Variants in BUB1 observed in about 807,000 individuals in gnomAD.
The protein encoded by BUB1 is mitotic checkpoint serine/threonine-protein kinase BUB1.
In BUB1, 84 loss-of-function variants were observed where a neutral mutation model predicts 135.2. The ratio of observed to expected loss-of-function variants is 0.62; its 90% CI spans 0.52 to 0.74. BUB1 has a LOEUF of 0.74. Among genes scored for constraint, BUB1 ranks in the 30% least tolerant of loss-of-function variants. BUB1 has a pLI of 0.00. For missense variants in BUB1, 1,162 were observed against 1,288.3 expected, an observed-to-expected ratio of 0.90 and a Z score of 1.50; for synonymous variants, 403 against 434.4, an observed-to-expected ratio of 0.93 and a Z score of 0.90.
rs552380717 is a variant in BUB1 at position 110,661,763 on chromosome 2, G to A, written c.1036C>T (p.Gln346Ter). Reference protein sequence around the residue: ...RAPCLPVTYQQTPVNMEKNPR... With the variant: ...RAPCLPVTYQ Reference sequence around the variant, plus strand: ...TTCTTTTCCATGTTCACTGGTGTCTGCTGATAGGTTACTGGAAGACATGGC... The same window carrying A: ...TTCTTTTCCATGTTCACTGGTGTCTACTGATAGGTTACTGGAAGACATGGC... Residue 346 changes from glutamine to a stop codon, truncating the protein, a stop_gained, in exon 10 of 25, where the codon CAG becomes TAG. Transcript: ENST00000302759. LOFTEE classifies it high-confidence loss of function. 1 of 1,614,210 alleles carries A rather than the reference G, an allele frequency of 6.2e-7. No individual in the cohort carries two copies. Among genetic ancestry groups the A allele is most frequent in the African/African-American group, 1.3e-5 (1 of 75,048 alleles).
intron 9 of BUB1, among the ~76,000 whole-genome samples, chr2:110,663,421 G>A (rs1195632358): frequency 6.6e-6 from 1 of 152,324 alleles, no homozygotes; most frequent in Middle Eastern, 3.4e-3. Context: ...TTAAATCAAT[G>A]GGGAAAGGCT....
chr2:110,667,372 T>A (rs1440039498), intron 8 of BUB1, 149 bp downstream of exon 8: 1 of 887,958 alleles, frequency 1.1e-6, no homozygotes. Flanking sequence ...AATGGGTTAA[T>A]AATGATTTCT....
chr2:110,669,591 G>A (rs939121131), intron 5 of BUB1, 38 bp from the exon 6 acceptor site: 1 of 1,319,734 alleles, frequency 7.6e-7, no homozygotes, highest in Non-Finnish European at 1.1e-6. Flanking sequence ...GAGAAATTAA[G>A]GGTAAAACCG....
chr2:110,639,651 G>T, intron 24 of BUB1, 91 bp downstream of exon 24: 1 of 1,047,142 alleles, frequency 9.5e-7, no homozygotes, highest in Non-Finnish European at 1.5e-6. Context: ...CCATGCGGTG[G>T]CAGAGATCCT....
chr2:110,677,351 TTGTTTTAAA>T (rs1294234187), intron 1 of BUB1, among the ~76,000 whole-genome samples: 29 of 152,338 alleles, frequency 1.9e-4, no homozygotes, highest in Non-Finnish European at 5.9e-5. Flanking sequence ...TATGACTTAA[TTGTTTTAAA>T]TGCCTTTAAG....
At chr2:110,660,087 G>A in intron 10 of BUB1, 51 bp from the exon 11 acceptor site, 1 of 1,498,018 alleles carries the variant, frequency 6.7e-7, no homozygotes, top group Non-Finnish European at 9.3e-7. Flanking sequence ...GCTTGATCTA[G>A]GCTGGGTGCG....
At chr2:110,658,541 A>G (rs374821007) in intron 12 of BUB1, 21 bp from the exon 13 acceptor site, 60 of 1,613,746 alleles carry the variant, frequency 3.7e-5, no homozygotes, top group Admixed American at 5.0e-5. Context: ...AAAAAGAATA[A>G]TTGTAAACAG....
chr2:110,642,274 T>C, intron 19 of BUB1, 40 bp from the exon 20 acceptor site: 1 of 1,320,036 alleles, frequency 7.6e-7, no homozygotes, highest in Non-Finnish European at 1.1e-6. Flanking sequence ...TGTACGCCTT[T>C]TATTTTAAAT....
At chr2:110,659,848 C>CT in intron 11 of BUB1, 130 bp downstream of exon 11, 3 of 574,816 alleles carry the variant, frequency 5.2e-6, no homozygotes, top group Non-Finnish European at 8.8e-6. Context: ...AACCTATACT[C>CT]TAAGAATAGG....
chr2:110,652,297 T>A (rs1204320806), intron 17 of BUB1, among the ~76,000 whole-genome samples: 3 of 152,198 alleles, frequency 2.0e-5, no homozygotes, highest in Non-Finnish European at 4.4e-5. Flanking sequence ...CCAGCTCTCA[T>A]ACTGCAAACA....
At chr2:110,649,863 G>GA (rs1434756843) in intron 18 of BUB1, among the ~76,000 whole-genome samples, 1 of 152,124 alleles carries the variant, frequency 6.6e-6, no homozygotes, top group Admixed American at 6.5e-5. Flanking sequence ...CTAAAAGTAA[G>GA]AAAAAGCTTT....
chr2:110,665,571 TTG>T (rs34442113), intron 9 of BUB1, among the ~76,000 whole-genome samples: 6,642 of 140,690 alleles, frequency 0.047, 186 homozygotes, highest in African/African-American at 0.076. Context: ...AAAAGAATGT[TTG>T]TGTGTGTGTG....
rs188663063 is a variant in BUB1 at position 110,672,697 on chromosome 2, T to C, written c.386A>G (p.Gln129Arg). Reference sequence around the variant, plus strand: ...TTGCAGGAACTCTCTGGGTTCAGCCTGGTTTTGAATTCCTCTCTGAAGGAC... The same window carrying C: ...TTGCAGGAACTCTCTGGGTTCAGCCCGGTTTTGAATTCCTCTCTGAAGGAC... ...SAVLQRGIQN[Q>R]AEPREFLQQQ... The change falls in exon 4 of 25, where the codon CAG becomes CGG. Residue 129 changes from glutamine (Q) to arginine (R), a missense_variant. Physicochemically the swap from Gln to Arg is conservative, Grantham distance 43 (BLOSUM62 1). Transcript: ENST00000302759. 1 of 1,607,912 alleles carries C rather than the reference T, an allele frequency of 6.2e-7. No homozygotes were observed. Among genetic ancestry groups the C allele is most frequent in the African/African-American group, 1.3e-5 (1 of 74,738 alleles).
In BUB1 at chr2:110,667,866, A is replaced by C; in HGVS notation, c.568-17T>G. 6.2e-7 allele frequency: 1 copy of C among 1,609,116 alleles called. No homozygotes were observed. The highest frequency in any genetic ancestry group is 1.3e-5 in the African/African-American group (1 of 74,754). On this transcript the variant is annotated splice_polypyrimidine_tract_variant and intron_variant, in intron 6 of 24. Coordinates refer to ENST00000302759, the MANE Select transcript of BUB1 (RefSeq NM_004336.5). ...CTCTGAACCCTAAAAAACAGAAAAC[A>C]AACATGAGCATTCACTTATCTGAGA...
At chr2:110,668,761 G>T (rs11900983) in intron 6 of BUB1, among the ~76,000 whole-genome samples, 1 of 152,158 alleles carries the variant, frequency 6.6e-6, no homozygotes, top group Admixed American at 6.5e-5. Context: ...TCACAGGGAA[G>T]GATGCAGTTA....
rs1445290070 is a variant in BUB1 at position 110,665,702 on chromosome 2, A to G, written c.957+561T>C. Among the ~76,000 whole-genome samples the G allele has an allele frequency of 2.0e-5, 3 of 152,094 alleles. 1 individual carries two copies. In the South Asian group the frequency reaches 6.2e-4, roughly 32 times the overall value. ...ATATTTTAAAAAACCATCTAGTCAC[A>G]TATTTTTATACTTTCCAAATATGTA... On this transcript the variant is annotated intron_variant, in intron 9 of 24. Coordinates refer to ENST00000302759, the MANE Select transcript of BUB1 (RefSeq NM_004336.5).
intron 16 of BUB1, 75 bp downstream of exon 16, chr2:110,655,664 G>A (rs1283044491): frequency 1.5e-6 from 2 of 1,323,734 alleles, no homozygotes; most frequent in African/African-American, 1.5e-5. Flanking sequence ...AAAACTACAA[G>A]AATCAAACTT....
intron 17 of BUB1, 47 bp downstream of exon 17, chr2:110,653,389 G>C (rs191578833): frequency 6.4e-7 from 1 of 1,551,652 alleles, no homozygotes; most frequent in Non-Finnish European, 8.9e-7. Context: ...AACAATGTTA[G>C]AATGAAAATG....
intron 13 of BUB1, among the ~76,000 whole-genome samples, chr2:110,657,885 C>A (rs557373371): frequency 3.4e-4 from 52 of 152,342 alleles, no homozygotes; most frequent in African/African-American, 1.3e-3. Flanking sequence ...AGGTGTTAAT[C>A]ATTCTCCTAA....
Sources: gnomAD v4.1 joint callset for allele counts (sites outside exome capture counted in the v4.1 genomes callset) on GRCh38, gnomAD v4.1.1 for gene constraint, MANE v1.5 for transcripts, NCBI Gene and HGNC (gene_info 2026-07-23, HGNC 2026-07-21) for gene names.